Variants in TMEM165 observed in about 807,000 individuals in gnomAD.
The protein encoded by TMEM165 is putative divalent cation/proton antiporter TMEM165.
TMEM165 carries 19 observed loss-of-function variants against 30.0 expected under a neutral mutation model. The ratio of observed to expected loss-of-function variants is 0.63; its 90% CI spans 0.44 to 0.93. The LOEUF is 0.93. TMEM165 is among the 40% of genes least tolerant of loss of function. The pLI is 0.00. For synonymous variants in TMEM165, 168 were observed against 162.9 expected, an observed-to-expected ratio of 1.03 and a Z score of -0.24; for missense variants, 340 against 417.0, an observed-to-expected ratio of 0.82 and a Z score of 1.61.
chr4:55,422,111 C>T (rs1366487210), intron 4 of TMEM165, among the ~76,000 whole-genome samples: 1 of 152,198 alleles, frequency 6.6e-6, no homozygotes, highest in Non-Finnish European at 1.5e-5. Context: ...TGCATGATGC[C>T]TCCGTTGGTC....
At chr4:55,402,032 C>T (rs1289484241) in intron 1 of TMEM165, among the ~76,000 whole-genome samples, 3 of 146,052 alleles carry the variant, frequency 2.1e-5, no homozygotes, top group Non-Finnish European at 3.0e-5. Context: ...GCAGGAGAAT[C>T]GCTTGAGCCC....
At position 55,447,320 on chromosome 4, in the gene TMEM165, C is replaced by T. The variant is rs574731096; in HGVS notation, c.409-4919C>T. On this transcript the variant is annotated intron_variant, in intron 3 of 3. Coordinates refer to the TMEM165 transcript ENST00000608091. ...CAGAGGTTGCAGTAAGCCGAGATTG[C>T]GCCACTGCACTCCAGCCTGGGTGAC... 6.6e-5 allele frequency among the ~76,000 whole-genome samples: 10 copies of T among 152,048 alleles called. No homozygotes were observed. In the East Asian group the frequency reaches 1.4e-3, roughly 21 times the overall value.
Position 55,417,993 on chromosome 4 carries a change from A to G in TMEM165, c.792+8A>G. The G allele has an allele frequency of 1.3e-6, 2 of 1,599,442 alleles. No homozygotes were observed. Among genetic ancestry groups the G allele is most frequent in the Non-Finnish European group, 1.7e-6 (2 of 1,174,348 alleles). ...GTATTGGCAGCTAGAGAGGTGAGTG[A>G]TATTTGAGAGGAGACTGTTTAAAAT... On this transcript the variant is annotated splice_region_variant and intron_variant, in intron 4 of 5. Coordinates refer to ENST00000381334, the MANE Select transcript of TMEM165 (RefSeq NM_018475.5).
chr4:55,417,690 GTT>G, intron 3 of TMEM165, 111 bp from the exon 4 acceptor site: 1 of 898,072 alleles, frequency 1.1e-6, no homozygotes, highest in South Asian at 1.8e-5. Flanking sequence ...CATAAATGTA[GTT>G]TTTTTGGAGC....
rs368264638 is a variant in TMEM165 at position 55,417,055 on chromosome 4, T to C, written c.434-17T>C. On this transcript the variant is annotated splice_polypyrimidine_tract_variant and intron_variant, in intron 2 of 5. Transcript: ENST00000381334. ...ATACACACTCGATTAACAAACATACTGTTGTATTTTTTCCAGTTTTGTTTG... is the reference window on the plus strand; with the variant it reads ...ATACACACTCGATTAACAAACATACCGTTGTATTTTTTCCAGTTTTGTTTG... 1.3e-6 allele frequency: 2 copies of C among 1,578,320 alleles called. No homozygotes were observed. Among genetic ancestry groups the C allele is most frequent in the Non-Finnish European group, 1.7e-6 (2 of 1,164,334 alleles).
intron 2 of TMEM165, chr4:55,415,412 TATTACA>T (rs776055745): frequency 2.6e-5 from 4 of 152,190 alleles, no homozygotes; most frequent in Non-Finnish European, 5.9e-5. Flanking sequence ...TACAACAAGA[TATTACA>T]GGTTCATCAT....
intron 1 of TMEM165, chr4:55,398,950 C>G (rs1720844131): frequency 6.6e-6 from 1 of 150,464 alleles, no homozygotes; most frequent in Non-Finnish European, 1.5e-5. Flanking sequence ...AAGGGATCCA[C>G]CAGATGGAAT....
chr4:55,436,169 T>C (rs938853124), intron 3 of TMEM165, among the ~76,000 whole-genome samples: 29 of 152,256 alleles, frequency 1.9e-4, no homozygotes, highest in African/African-American at 7.0e-4. Flanking sequence ...GCCTACCACA[T>C]TGGGTTCTTA....
chr4:55,408,444 G>T lies in TMEM165; in HGVS notation c.208-3170G>T, dbSNP rs982541079. The stretch of plus-strand genomic sequence containing the variant: ...AAATGGTATAGCCTATGGCTTTTAG[G>T]CTACAAATCTGTACAGCGTGTTACT... On this transcript the variant is annotated intron_variant, in intron 1 of 5. Transcript: ENST00000381334. 2.0e-5 allele frequency among the ~76,000 whole-genome samples: 3 copies of T among 152,078 alleles called. No individual in the cohort carries two copies. In the East Asian group the frequency reaches 5.8e-4, roughly 29 times the overall value.
chr4:55,446,175 C>T (rs886552196), intron 3 of TMEM165, among the ~76,000 whole-genome samples: 2 of 149,500 alleles, frequency 1.3e-5, no homozygotes, highest in Non-Finnish European at 3.0e-5. Flanking sequence ...CTTATTGCAG[C>T]CTCAACCACC....
chr4:55,448,801 G>C (rs776544790), intron 3 of TMEM165: 7 of 1,613,748 alleles, frequency 4.3e-6, no homozygotes, highest in Middle Eastern at 3.3e-4. Flanking sequence ...TTGTGGAATT[G>C]GTAAATTTGT....
At chr4:55,399,435 C>T (rs141846706) in intron 1 of TMEM165, among the ~76,000 whole-genome samples, 1 of 152,248 alleles carries the variant, frequency 6.6e-6, no homozygotes, top group African/African-American at 2.4e-5. Flanking sequence ...TCTTAGTGTT[C>T]ATCTTTTAGC....
At position 55,396,351 on chromosome 4, in the gene TMEM165, G is replaced by T; in HGVS notation, c.162G>T (p.Gln54His). Residue 54 changes from glutamine to histidine, a missense_variant, in exon 1 of 6, where the codon CAG (glutamine) becomes CAT (histidine). Around this residue, in one of 2 missense-constraint regions of TMEM165, gnomAD observed 120 missense variants for 109.4 expected, o/e 1.10. Transcript: ENST00000381334. ...KEPPAPAQQLQPQPVAVQGPE... is the reference protein window; with the variant it reads ...KEPPAPAQQLHPQPVAVQGPE... ...CGCCGGCGCCGGCCCAGCAGCTGCA[G>T]CCGCAGCCTGTGGCTGTGCAGGGCC... The T allele has an allele frequency of 6.6e-7, 1 of 1,512,028 alleles. No individual in the cohort carries two copies. The allele number at this position is 1,512,028 out of a possible 1,614,324, so 93.7% of individuals were successfully genotyped here. A position where few individuals can be genotyped will look rare whatever the true frequency, so the allele number is the denominator to read the frequency against.
intron 4 of TMEM165, among the ~76,000 whole-genome samples, chr4:55,421,297 CTTTTT>C (rs766025971): frequency 3.8e-5 from 4 of 105,898 alleles, no homozygotes; most frequent in Non-Finnish European, 7.7e-5. Context: ...TTCTTTCTTT[CTTTTT>C]TTTTTTTTTT....
intron 3 of TMEM165, chr4:55,433,006 A>T (rs944454920): frequency 1.3e-5 from 2 of 152,612 alleles, no homozygotes; most frequent in African/African-American, 4.8e-5. Flanking sequence ...TATGTAGAGG[A>T]CAGGCCTCAA....
At chr4:55,433,502 CT>C (rs1457501284) in intron 3 of TMEM165, 1 of 152,210 alleles carries the variant, frequency 6.6e-6, no homozygotes, top group Non-Finnish European at 1.5e-5. Context: ...TTCCCCTGAC[CT>C]CTTTACCTAG....
Position 55,420,127 on chromosome 4 carries a change from ATATT to A in TMEM165, c.792+2160_792+2163del, listed in dbSNP as rs1330371198. ...AAAAAATATATATATATATACATAT[ATATT>A]TATTTATTTATTTATTTTATTTATT... On this transcript the variant is annotated intron_variant, in intron 4 of 5. Transcript: ENST00000381334. 1.9e-4 allele frequency among the ~76,000 whole-genome samples: 9 copies of A among 46,774 alleles called. 2 individuals carry two copies. Among genetic ancestry groups the A allele is most frequent in the Non-Finnish European group, 2.7e-4 (6 of 21,976 alleles). 30.7% of individuals were successfully genotyped at this position (46,774 alleles called of 152,430 possible).
chr4:55,418,303 G>A (rs1213319495), intron 4 of TMEM165: 1 of 226,028 alleles, frequency 4.4e-6, no homozygotes, highest in Non-Finnish European at 8.5e-6. Context: ...TAGTTGTTGA[G>A]AATATAAATC....
intron 2 of TMEM165, chr4:55,412,180 G>A (rs1161138297): frequency 3.1e-6 from 1 of 319,468 alleles, no homozygotes; most frequent in Admixed American, 5.0e-5. Context: ...AGATCACGAG[G>A]TCAGGAGTTC....
Sources: gnomAD v4.1 joint callset for allele counts (sites outside exome capture counted in the v4.1 genomes callset) on GRCh38, gnomAD v4.1.1 for gene constraint, gnomAD v4.1.1 regional missense constraint, MANE v1.5 for transcripts, NCBI Gene and HGNC (gene_info 2026-07-23, HGNC 2026-07-21) for gene names.